SHCBP1: variants seen among roughly 807,000 people sequenced by gnomAD.
SHCBP1 encodes the protein SHC binding and spindle associated 1, also known as SHC SH2 domain-binding protein 1.
In SHCBP1, 60 loss-of-function variants were observed where a neutral mutation model predicts 75.1. The ratio of observed to expected loss-of-function variants is 0.80; its 90% CI spans 0.65 to 0.99. The LOEUF (loss-of-function observed/expected upper bound fraction) is 0.99. SHCBP1 is among the 50% of genes least tolerant of loss of function. The pLI is 0.00. For missense variants in SHCBP1, 709 were observed against 809.4 expected, an observed-to-expected ratio of 0.88 and a Z score of 1.50; for synonymous variants, 290 against 293.2, an observed-to-expected ratio of 0.99 and a Z score of 0.11.
chr16:46,595,797 C>T (rs1364995410), intron 9 of SHCBP1, 127 bp from the exon 10 acceptor site: 2 of 569,498 alleles, frequency 3.5e-6, no homozygotes, highest in African/African-American at 3.8e-5. Context: ...AATTTTCTTA[C>T]CTAAATTACA....
In SHCBP1 at chr16:46,606,987, A is replaced by AT. The variant is rs957836086; in HGVS notation, c.689+1309dup. On this transcript the variant is annotated intron_variant, in intron 5 of 12. Transcript: ENST00000303383. ...AGGCATGCCCTAACACACCCAGCTA[A>AT]TTTTTTTTTTTAGGTTTCGTAGAGG... 4.3e-4 allele frequency among the ~76,000 whole-genome samples: 64 copies of AT among 147,856 alleles called. 1 individual carries two copies. In the East Asian group the frequency reaches 4.5e-3, roughly 10 times the overall value.
At position 46,604,473 on chromosome 16, in the gene SHCBP1, A is replaced by G. The variant is rs1181553882; in HGVS notation, c.690-12T>C. On this transcript the variant is annotated splice_polypyrimidine_tract_variant and intron_variant, in intron 5 of 12. Transcript: ENST00000303383. ...GAATGTCATAATGCCTGAAAGTTTA[A>G]AAGCAAAGTGAAATCCACTGCCTTT... is the stretch of plus-strand genomic sequence containing the variant. The G allele has an allele frequency of 3.8e-6, 6 of 1,584,112 alleles. No individual in the cohort carries two copies. Among genetic ancestry groups the G allele is most frequent in the Non-Finnish European group, 5.2e-6 (6 of 1,154,254 alleles).
Position 46,579,363 on chromosome 16 carries a change from C to G in SHCBP1, c.*2366G>C. The stretch of plus-strand genomic sequence containing the variant: ...GTACTGCATATAACTTAAATAAGAA[C>G]AAAGTAGGCCTACTCATTATAATGA... On this transcript the variant is annotated 3_prime_UTR_variant, in exon 13 of 13. Coordinates refer to ENST00000303383, the MANE Select transcript of SHCBP1 (RefSeq NM_024745.5). Among the ~76,000 whole-genome samples, 1 of 152,072 alleles carries G rather than the reference C, an allele frequency of 6.6e-6. No homozygotes were observed. The highest frequency in any genetic ancestry group is 1.9e-4 in the East Asian group (1 of 5,196).
In SHCBP1 at chr16:46,618,304, T is replaced by G; in HGVS notation, c.172A>C (p.Ser58Arg). 6.2e-7 allele frequency: 1 copy of G among 1,613,812 alleles called. No individual in the cohort carries two copies. The highest frequency in any genetic ancestry group is 8.5e-7 in the Non-Finnish European group (1 of 1,179,934). Reference sequence around the variant, plus strand: ...AAGGTTTTTCCTTCTGGCATAAAACTTTGTAAACTAGAACCTGGTTTATCA... The same window carrying G: ...AAGGTTTTTCCTTCTGGCATAAAACGTTGTAAACTAGAACCTGGTTTATCA... ...YRDKPGSSLQ[S>R]FMPEGKTFFP... is the part of the protein sequence containing the mutation. Residue 58 changes from serine to arginine, a missense_variant, in exon 2 of 13, where the codon AGT (serine) becomes CGT (arginine). Coordinates refer to ENST00000303383, the MANE Select transcript of SHCBP1 (RefSeq NM_024745.5).
intron 9 of SHCBP1, 139 bp downstream of exon 9, chr16:46,599,692 A>AAAAAAAAAAAAAAAG: frequency 8.2e-6 from 3 of 367,318 alleles, no homozygotes; most frequent in Non-Finnish European, 1.4e-5. Flanking sequence ...AAAAAAAAAA[A>AAAAAAAAAAAAAAAG]CTCAGCATCG....
intron 9 of SHCBP1, among the ~76,000 whole-genome samples, chr16:46,598,562 T>C (rs1345907161): frequency 2.0e-5 from 3 of 152,168 alleles, no homozygotes; most frequent in African/African-American, 7.2e-5. Flanking sequence ...GTTGTTCCAT[T>C]TCTAGGGCAC....
chr16:46,602,295 G>A (rs757888889), intron 8 of SHCBP1, among the ~76,000 whole-genome samples: 9 of 152,078 alleles, frequency 5.9e-5, no homozygotes, highest in Non-Finnish European at 2.9e-5. Flanking sequence ...TTGGAGAGTA[G>A]AAAAGAACAA....
intron 1 of SHCBP1, among the ~76,000 whole-genome samples, chr16:46,619,199 TG>T (rs1343689769): frequency 2.0e-5 from 3 of 152,202 alleles, no homozygotes; most frequent in Non-Finnish European, 4.4e-5. Flanking sequence ...ATTCAGCCAG[TG>T]GCATATCTAA....
chr16:46,619,859 AC>A (rs1965558305), intron 1 of SHCBP1, among the ~76,000 whole-genome samples: 1 of 152,094 alleles, frequency 6.6e-6, no homozygotes, highest in South Asian at 2.1e-4. Flanking sequence ...ACAGGGTGAA[AC>A]CCCGTCTCTA....
chr16:46,619,105 A>G (rs1016383758), intron 1 of SHCBP1, among the ~76,000 whole-genome samples: 1 of 152,190 alleles, frequency 6.6e-6, no homozygotes, highest in African/African-American at 2.4e-5. Context: ...CTCCTCACTA[A>G]TTTCAATGAC....
chr16:46,596,285 C>T (rs2142999367), intron 9 of SHCBP1, among the ~76,000 whole-genome samples: 1 of 152,152 alleles, frequency 6.6e-6, no homozygotes, highest in East Asian at 2.0e-4. Context: ...GGGGGCAGAA[C>T]ACCCAAGGTC....
chr16:46,581,871 C>T lies in SHCBP1; in HGVS notation c.1877G>A (p.Gly626Asp). Reference protein sequence around the residue: ...NELIAASTQKGQIKKKRLSEL... With the variant: ...NELIAASTQKDQIKKKRLSEL... ...ACTCAACCTTTTCTTCTTTATCTGG[C>T]CTTTCTGTGTGGAGGCAGCAATTAG... Residue 626 changes from glycine to aspartate, a missense_variant, in exon 13 of 13, where the codon GGC becomes GAC. Physicochemically the swap from Gly to Asp is moderately conservative, Grantham distance 94 (BLOSUM62 -1). Coordinates refer to ENST00000303383, the MANE Select transcript of SHCBP1 (RefSeq NM_024745.5). 6.2e-7 allele frequency: 1 copy of T among 1,614,122 alleles called. No individual in the cohort carries two copies. The highest frequency in any genetic ancestry group is 1.3e-5 in the African/African-American group (1 of 75,030).
chr16:46,584,647 C>A (rs1420062491), intron 10 of SHCBP1, among the ~76,000 whole-genome samples: 2 of 152,154 alleles, frequency 1.3e-5, no homozygotes. Context: ...ACATCAGCAG[C>A]CAGTTCAAGT....
intron 10 of SHCBP1, among the ~76,000 whole-genome samples, chr16:46,588,261 TA>T (rs1157321987): frequency 2.6e-5 from 4 of 151,886 alleles, no homozygotes; most frequent in African/African-American, 9.7e-5. Flanking sequence ...TTAAAAGAAC[TA>T]GAGAAGCAAG....
intron 10 of SHCBP1, among the ~76,000 whole-genome samples, chr16:46,587,345 C>A (rs980892357): frequency 6.6e-6 from 1 of 151,982 alleles, no homozygotes; most frequent in Non-Finnish European, 1.5e-5. Flanking sequence ...CAGCTATCCA[C>A]AGGATGGCAG....
In SHCBP1 at chr16:46,621,352, T is replaced by C; in HGVS notation, c.8A>G (p.Asp3Gly). 1.2e-6 allele frequency: 2 copies of C among 1,610,860 alleles called. No individual in the cohort carries two copies. The highest frequency in any genetic ancestry group is 1.1e-5 in the South Asian group (1 of 90,958). MA[D>G]GSLTGGGLEA... ...CAGACCGCCGCCCGTCAGCGACCCG[T>C]CAGCCATTTCAAATTTCCGCGGACG... Residue 3 changes from aspartate to glycine, a missense_variant, in exon 1 of 13, where the codon GAC (aspartate) becomes GGC (glycine). Transcript: ENST00000303383.
chr16:46,608,828 T>G (rs1290947772), intron 4 of SHCBP1, among the ~76,000 whole-genome samples: 2 of 152,136 alleles, frequency 1.3e-5, no homozygotes, highest in South Asian at 2.1e-4. Context: ...CTCAAACTCC[T>G]GACCTCATGA....
At chr16:46,592,102 A>T (rs1052676604) in intron 10 of SHCBP1, among the ~76,000 whole-genome samples, 1 of 152,066 alleles carries the variant, frequency 6.6e-6, no homozygotes, top group African/African-American at 2.4e-5. Flanking sequence ...TAAAAAGAAC[A>T]TAAAAAAGTA....
In SHCBP1 at chr16:46,579,648, A is replaced by G. The variant is rs1964841002; in HGVS notation, c.*2081T>C. Among the ~76,000 whole-genome samples, 2 of 152,114 alleles carry G rather than the reference A, an allele frequency of 1.3e-5. No homozygotes were observed. ...AACCCCATATCTACTAAAAATACAA[A>G]AAAAAGGCCAGGCACGTGGCTCATG... On this transcript the variant is annotated 3_prime_UTR_variant, in exon 13 of 13. Coordinates refer to ENST00000303383, the MANE Select transcript of SHCBP1 (RefSeq NM_024745.5).
Sources: allele counts gnomAD v4.1 joint callset (sites outside exome capture counted in the v4.1 genomes callset), GRCh38; gene constraint gnomAD v4.1.1; transcripts MANE v1.5; gene names NCBI Gene and HGNC (gene_info 2026-07-23, HGNC 2026-07-21).